CHCHD6: variants seen among roughly 807,000 people sequenced by gnomAD.
CHCHD6 encodes MICOS complex subunit MIC25.
In CHCHD6, 28 loss-of-function variants were observed where a neutral mutation model predicts 32.3. That is an observed-to-expected ratio of 0.87 (90% CI 0.64 to 1.19). The LOEUF is 1.19. CHCHD6 is among the 50% of genes most tolerant of loss of function. CHCHD6 has a pLI of 0.00. For missense variants in CHCHD6, 333 were observed against 307.0 expected (o/e 1.08, Z -0.63); for synonymous variants, 122 against 117.5 (o/e 1.04, Z -0.25).
chr3:126,798,167 A>G (rs1218694278), intron 4 of CHCHD6, among the ~76,000 whole-genome samples: 1 of 152,144 alleles, frequency 6.6e-6, no homozygotes, highest in African/African-American at 2.4e-5. Flanking sequence ...CAGCAGGGTG[A>G]CAAGGCACAC....
intron 4 of CHCHD6, among the ~76,000 whole-genome samples, chr3:126,850,529 C>T (rs1010707687): frequency 2.0e-5 from 3 of 152,144 alleles, no homozygotes; most frequent in Non-Finnish European, 2.9e-5. Flanking sequence ...CTGGTAGCCA[C>T]GGCCCAGAGG....
intron 6 of CHCHD6, 133 bp from the exon 7 acceptor site, chr3:126,957,283 G>A (rs1317122655): frequency 2.0e-6 from 2 of 985,562 alleles, no homozygotes; most frequent in East Asian, 2.6e-5. Context: ...TCTCCTTGAG[G>A]GTTAAAAGGA....
chr3:126,945,410 G>T lies in CHCHD6; in HGVS notation c.567-12006G>T, dbSNP rs183805052. Reference sequence around the variant, plus strand: ...AGCAAGGAGCCAGGCTGGAGGAGCAGACTCGAGCAGGGAGACTTGGGTTGG... The same window carrying T: ...AGCAAGGAGCCAGGCTGGAGGAGCATACTCGAGCAGGGAGACTTGGGTTGG... On this transcript the variant is annotated intron_variant, in intron 6 of 7. Coordinates refer to ENST00000290913, the MANE Select transcript of CHCHD6 (RefSeq NM_032343.3). 3.8e-3 allele frequency among the ~76,000 whole-genome samples: 573 copies of T among 151,980 alleles called. 2 individuals carry two copies. Among genetic ancestry groups the T allele is most frequent in the Non-Finnish European group, 6.5e-3 (443 of 67,974 alleles).
chr3:126,724,153 C>G (rs1361228660), intron 1 of CHCHD6, among the ~76,000 whole-genome samples: 1 of 152,144 alleles, frequency 6.6e-6, no homozygotes, highest in Non-Finnish European at 1.5e-5. Flanking sequence ...GAGATTCAGG[C>G]TTAGCCCTCA....
intron 4 of CHCHD6, among the ~76,000 whole-genome samples, chr3:126,843,231 C>G (rs1389214295): frequency 6.6e-6 from 1 of 152,130 alleles, no homozygotes. Context: ...CGTTGTTATG[C>G]TAGCATCCTG....
At chr3:126,715,187 C>T (rs1234607305) in intron 1 of CHCHD6, among the ~76,000 whole-genome samples, 1 of 152,132 alleles carries the variant, frequency 6.6e-6, no homozygotes, top group Admixed American at 6.5e-5. Flanking sequence ...TTACTTGTCA[C>T]CTCAGAGCAG....
intron 4 of CHCHD6, among the ~76,000 whole-genome samples, chr3:126,777,116 G>A (rs1304187070): frequency 1.3e-5 from 2 of 152,174 alleles, no homozygotes; most frequent in Admixed American, 1.3e-4. Context: ...CCAGTCAGCT[G>A]TCATTTCTTC....
chr3:126,705,597 C>T (rs1458154195), intron 1 of CHCHD6, among the ~76,000 whole-genome samples: 1 of 152,186 alleles, frequency 6.6e-6, no homozygotes, highest in East Asian at 1.9e-4. Flanking sequence ...CTTCCTCCAC[C>T]TGTGTCTACA....
At chr3:126,704,431 T>G (rs1481304719) in intron 1 of CHCHD6, 32 bp downstream of exon 1, 3 of 1,405,104 alleles carry the variant, frequency 2.1e-6, no homozygotes, top group African/African-American at 1.6e-5. Context: ...GGGGCGGGCG[T>G]GGAGGCCGCG....
At chr3:126,819,393 A>G (rs1260686911) in intron 4 of CHCHD6, among the ~76,000 whole-genome samples, 2 of 152,178 alleles carry the variant, frequency 1.3e-5, no homozygotes, top group Non-Finnish European at 2.9e-5. Context: ...TGCTGTATGA[A>G]GGTAACATGG....
intron 4 of CHCHD6, among the ~76,000 whole-genome samples, chr3:126,756,225 G>T (rs966489964): frequency 2.0e-5 from 3 of 152,192 alleles, no homozygotes; most frequent in African/African-American, 7.2e-5. Context: ...GGGGAAGGTA[G>T]AGAGAGGAAA....
At chr3:126,904,785 A>G (rs1211056305) in intron 5 of CHCHD6, among the ~76,000 whole-genome samples, 4 of 152,228 alleles carry the variant, frequency 2.6e-5, no homozygotes, top group Non-Finnish European at 5.9e-5. Flanking sequence ...GGTCTCACCT[A>G]AAGCCACTCT....
intron 4 of CHCHD6, among the ~76,000 whole-genome samples, chr3:126,810,322 C>A (rs1000942413): frequency 4.6e-5 from 7 of 152,084 alleles, no homozygotes; most frequent in African/African-American, 1.7e-4. Flanking sequence ...GGAGGAGGTA[C>A]GTGTGCAAGA....
At chr3:126,806,396 C>T (rs1939382328) in intron 4 of CHCHD6, among the ~76,000 whole-genome samples, 1 of 151,938 alleles carries the variant, frequency 6.6e-6, no homozygotes, top group South Asian at 2.1e-4. Context: ...AGGATATGAA[C>T]AGACACTTCT....
chr3:126,778,409 A>G (rs1287930816), intron 4 of CHCHD6, among the ~76,000 whole-genome samples: 13 of 152,226 alleles, frequency 8.5e-5, no homozygotes. Context: ...TGAGGGTTCC[A>G]GTTTCTCCAC....
chr3:126,816,983 A>T (rs1559861792), intron 4 of CHCHD6, among the ~76,000 whole-genome samples: 1 of 152,022 alleles, frequency 6.6e-6, no homozygotes. Context: ...TGTCCTTGCA[A>T]TAGCTTACTC....
At chr3:126,811,548 C>T (rs1939654636) in intron 4 of CHCHD6, among the ~76,000 whole-genome samples, 1 of 151,840 alleles carries the variant, frequency 6.6e-6, no homozygotes, top group Non-Finnish European at 1.5e-5. Flanking sequence ...TGAGTGTGGC[C>T]ACTTTTCCAT....
chr3:126,852,720 T>C lies in CHCHD6; in HGVS notation c.485T>C (p.Ile162Thr), dbSNP rs377439535. The C allele has an allele frequency of 2.5e-6, 4 of 1,611,804 alleles. No individual in the cohort carries two copies. Among genetic ancestry groups the C allele is most frequent in the East Asian group, 2.2e-5 (1 of 44,816 alleles). The part of the protein sequence containing the change: ...DTFYKEQLER[I>T]ERKNAEMYKL... The stretch of plus-strand genomic sequence containing the variant: ...TTCTACAAGGAGCAGCTGGAGCGTA[T>C]TGAGAGGAAGGTAAGACTCCTGCTT... Residue 162 changes from isoleucine to threonine, a missense_variant, in exon 5 of 8, where the codon ATT becomes ACT. Coordinates refer to ENST00000290913, the MANE Select transcript of CHCHD6 (RefSeq NM_032343.3).
In CHCHD6 at chr3:126,788,565, T is replaced by G. The variant is rs141030809; in HGVS notation, c.411+55343T>G. ...TGGTTTAGTCTTGGGAGGGCCTATG[T>G]GTCCAGGAATTTATCCATTTCTTCT... On this transcript the variant is annotated intron_variant, in intron 4 of 7. Coordinates refer to ENST00000290913, the MANE Select transcript of CHCHD6 (RefSeq NM_032343.3). Among the ~76,000 whole-genome samples, 1,239 of 152,340 alleles carry G rather than the reference T, an allele frequency of 8.1e-3. 10 individuals are homozygous for G. Among genetic ancestry groups the G allele is most frequent in the Middle Eastern group, 0.017 (5 of 294 alleles).
Sources: allele counts gnomAD v4.1 joint callset (sites outside exome capture counted in the v4.1 genomes callset), GRCh38; gene constraint gnomAD v4.1.1; transcripts MANE v1.5; gene names NCBI Gene and HGNC (gene_info 2026-07-23, HGNC 2026-07-21).